The following NDE1 variants were observed in gnomAD, a reference collection of about 807,000 sequenced individuals.
NDE1 encodes the protein nudE neurodevelopment protein 1, also known as nuclear distribution protein nudE homolog 1.
In NDE1, 28 loss-of-function variants were observed where a neutral mutation model predicts 43.4. The observed-to-expected ratio is 0.65, with a 90% confidence interval of 0.48 to 0.89. NDE1 has a LOEUF of 0.89. Among genes scored for constraint, NDE1 ranks in the 40% least tolerant of loss-of-function variants. The pLI, the probability that NDE1 is intolerant of heterozygous loss-of-function variation, is 0.00. For synonymous variants in NDE1, 184 were observed against 172.0 expected, an observed-to-expected ratio of 1.07 and a Z score of -0.55; for missense variants, 441 against 434.1, an observed-to-expected ratio of 1.02 and a Z score of -0.14.
intron 8 of NDE1, among the ~76,000 whole-genome samples, chr16:15,709,504 G>A (rs1394540276): frequency 1.3e-5 from 2 of 151,982 alleles, no homozygotes; most frequent in South Asian, 2.1e-4. Context: ...TAGTAGAGAC[G>A]GAGTTTCACC....
chr16:15,718,178 C>T, intron 8 of NDE1: 2 of 1,402,666 alleles, frequency 1.4e-6, no homozygotes, highest in Non-Finnish European at 2.0e-6. Context: ...GATCTCTACT[C>T]TCAGGCCCCA....
chr16:15,646,592 A>C (rs1412301721), upstream of NDE1, among the ~76,000 whole-genome samples: 1 of 151,744 alleles, frequency 6.6e-6, no homozygotes, highest in Non-Finnish European at 1.5e-5. Flanking sequence ...AAAAAGAAAA[A>C]AAAAATCCAA....
chr16:15,714,836 G>A (rs960931021), intron 8 of NDE1: 211 of 1,586,528 alleles, frequency 1.3e-4, no homozygotes, highest in Non-Finnish European at 1.7e-4. Flanking sequence ...TTTGCAGGCC[G>A]AAAGGAGCCC....
At chr16:15,647,387 T>C (rs1369622096), upstream of NDE1, among the ~76,000 whole-genome samples, 1 of 152,188 alleles carries the variant, frequency 6.6e-6, no homozygotes, top group Admixed American at 6.5e-5. Flanking sequence ...ATTTGTTAAT[T>C]ACTAGTTGTA....
In NDE1 at chr16:15,724,811, A is replaced by C; in HGVS notation, c.*560A>C. On this transcript the variant is annotated 3_prime_UTR_variant, in exon 9 of 9. Transcript: ENST00000396354. ...TCTTGAAGCAGCTCCTGCAAAAGGG[A>C]TGCAAAGAGGTCCCAGGGACCTGCC... 6.2e-7 allele frequency: 1 copy of C among 1,613,756 alleles called. No homozygotes were observed. The highest frequency in any genetic ancestry group is 8.5e-7 in the Non-Finnish European group (1 of 1,180,004).
intron 8 of NDE1, chr16:15,700,370 A>T (rs2039182231): frequency 6.6e-6 from 1 of 152,302 alleles, no homozygotes; most frequent in South Asian, 2.1e-4. Context: ...GAATGCTGGG[A>T]TTTCAAGCAT....
intron 1 of NDE1, among the ~76,000 whole-genome samples, chr16:15,653,794 C>G (rs1253322272): frequency 1.3e-5 from 2 of 150,482 alleles, no homozygotes; most frequent in Non-Finnish European, 2.9e-5. Context: ...GTGGGGCGAT[C>G]TCGGCTCACT....
chr16:15,662,274 T>C (rs948882654), intron 1 of NDE1, among the ~76,000 whole-genome samples: 10 of 147,394 alleles, frequency 6.8e-5, no homozygotes, highest in African/African-American at 2.0e-4. Flanking sequence ...CGTTCCTTTC[T>C]CTTTTCTTTT....
At chr16:15,664,890 T>TC (rs1416873543) in intron 2 of NDE1, 29 bp downstream of exon 2, 1 of 1,190,090 alleles carries the variant, frequency 8.4e-7, no homozygotes, top group East Asian at 3.2e-5. Flanking sequence ...GCTTTTCCTT[T>TC]TTTTTTTTTT....
At position 15,721,713 on chromosome 16, in the gene NDE1, C is replaced by A. The variant is rs928570473; in HGVS notation, c.948-2478C>A. The A allele has an allele frequency of 2.8e-5, 41 of 1,446,638 alleles. No individual in the cohort carries two copies. In the Middle Eastern group the frequency reaches 5.2e-4, roughly 18 times the overall value. The allele number at this position is 1,446,638 out of a possible 1,614,324, so 89.6% of individuals were successfully genotyped here. ...TGAATTGTAAATACCGGGGGAAGCC[C>A]TGTGTCCTGCTGAATGTATTGAGGT... is the stretch of plus-strand genomic sequence containing the variant. On this transcript the variant is annotated intron_variant, in intron 8 of 8. Transcript: ENST00000396354.
intron 8 of NDE1, chr16:15,718,255 A>G (rs773307402): frequency 8.7e-6 from 14 of 1,602,976 alleles, no homozygotes; most frequent in Middle Eastern, 3.4e-4. Context: ...TGACTGGTGC[A>G]GGATCCTGCT....
At chr16:15,691,077 G>A (rs2038724342) in intron 5 of NDE1, 67 bp from the exon 6 acceptor site, 7 of 1,603,782 alleles carry the variant, frequency 4.4e-6, no homozygotes, top group South Asian at 1.1e-5. Context: ...CAAAGTGCTG[G>A]CATTATAAAC....
At chr16:15,687,550 C>G (rs748163215) in intron 5 of NDE1, 39 bp downstream of exon 5, 8 of 1,554,942 alleles carry the variant, frequency 5.1e-6, no homozygotes, top group South Asian at 1.1e-5. Flanking sequence ...ATGGTCCCCT[C>G]TCCCTACCTG....
chr16:15,694,889 C>A, intron 7 of NDE1: 1 of 985,362 alleles, frequency 1.0e-6, no homozygotes, highest in African/African-American at 1.7e-5. Context: ...AAACTGCCTT[C>A]TCTTTTGGCC....
rs918073023 is a variant in NDE1 at position 15,668,036 on chromosome 16, C to A, written c.237+597C>A. Among the ~76,000 whole-genome samples, 4 of 151,496 alleles carry A rather than the reference C, an allele frequency of 2.6e-5. No individual in the cohort carries two copies. In the Admixed American group the frequency reaches 2.6e-4, roughly 10 times the overall value. ...CTGGAGTACAGTGGCTGGATTACAG[C>A]TCACTGCACCCTGGACGTCTCAGGT... On this transcript the variant is annotated intron_variant, in intron 3 of 8. Transcript: ENST00000396354.
intron 8 of NDE1, among the ~76,000 whole-genome samples, chr16:15,723,231 T>TA (rs2040576313): frequency 6.6e-6 from 1 of 152,194 alleles, no homozygotes; most frequent in Non-Finnish European, 1.5e-5. Flanking sequence ...AAATTGTGTT[T>TA]AAAAATAAAC....
At chr16:15,703,936 T>C in intron 8 of NDE1, 1 of 1,612,674 alleles carries the variant, frequency 6.2e-7, no homozygotes. Context: ...TTTTTTTTGT[T>C]TGTTTGTTTT....
chr16:15,713,004 C>T (rs1048586448), intron 8 of NDE1: 1 of 151,324 alleles, frequency 6.6e-6, no homozygotes, highest in Non-Finnish European at 1.5e-5. Flanking sequence ...TAGGCATGCA[C>T]CACCACACCT....
chr16:15,686,076 C>G (rs994421027), intron 4 of NDE1, among the ~76,000 whole-genome samples: 1 of 151,900 alleles, frequency 6.6e-6, no homozygotes, highest in Non-Finnish European at 1.5e-5. Flanking sequence ...CTCACCCTCC[C>G]GAGCAGCTGG....
Sources: allele counts gnomAD v4.1 joint callset (sites outside exome capture counted in the v4.1 genomes callset), GRCh38; gene constraint gnomAD v4.1.1; transcripts MANE v1.5; gene names NCBI Gene and HGNC (gene_info 2026-07-23, HGNC 2026-07-21).